Variants in LRRC1 observed in about 807,000 individuals in gnomAD.
The protein encoded by LRRC1 is leucine-rich repeat-containing protein 1.
Under a neutral mutation model 69.9 loss-of-function variants are expected in LRRC1, and 28 were observed. The observed-to-expected ratio is 0.40, with a 90% confidence interval of 0.30 to 0.55. The LOEUF (loss-of-function observed/expected upper bound fraction) is 0.55. Ranked by LOEUF, LRRC1 falls within the 20% of genes least tolerant of loss-of-function variation. LRRC1 has a pLI of 0.47. For missense variants in LRRC1, 498 were observed against 609.0 expected, an observed-to-expected ratio of 0.82 and a Z score of 1.92; for synonymous variants, 236 against 240.2, an observed-to-expected ratio of 0.98 and a Z score of 0.16.
rs761134442 is a variant in LRRC1 at position 53,795,329 on chromosome 6, G to T, written c.73G>T (p.Val25Phe). ...ESIDKRHCSL[V>F]YVPEEIYRYA... ...CATCGACAAGCGCCACTGCTCGCTG[G>T]TCTACGTCCCCGAGGAGATCTACCG... Residue 25 changes from valine (V) to phenylalanine (F), a missense_variant, in exon 1 of 14, where the codon GTC (valine) becomes TTC (phenylalanine). Coordinates refer to ENST00000370888, the MANE Select transcript of LRRC1 (RefSeq NM_018214.5). 1.9e-6 allele frequency: 3 copies of T among 1,613,722 alleles called. No homozygotes were observed. The highest frequency in any genetic ancestry group is 2.5e-6 in the Non-Finnish European group (3 of 1,179,952).
chr6:53,798,283 C>T (rs1052394656), intron 1 of LRRC1, among the ~76,000 whole-genome samples: 10 of 152,360 alleles, frequency 6.6e-5, no homozygotes, highest in Admixed American at 2.0e-4. Context: ...CCCCCATACC[C>T]GCAGTTTGAT....
At chr6:53,896,342 G>A (rs1001163521) in intron 4 of LRRC1, among the ~76,000 whole-genome samples, 156 bp from the exon 5 acceptor site, 1 of 152,178 alleles carries the variant, frequency 6.6e-6, no homozygotes, top group Non-Finnish European at 1.5e-5. Context: ...TTTAATGGGT[G>A]TGGGGGGTGG....
intron 4 of LRRC1, among the ~76,000 whole-genome samples, chr6:53,884,685 C>G (rs984709540): frequency 6.6e-6 from 1 of 151,994 alleles, no homozygotes; most frequent in Non-Finnish European, 1.5e-5. Flanking sequence ...CCTCTGATTC[C>G]TACCCCTCTC....
chr6:53,898,886 C>T (rs982487818), intron 7 of LRRC1, among the ~76,000 whole-genome samples: 3 of 152,072 alleles, frequency 2.0e-5, no homozygotes. Flanking sequence ...ATCAGGGAGC[C>T]ACAAGATGTT....
intron 1 of LRRC1, among the ~76,000 whole-genome samples, chr6:53,834,390 A>G (rs1765550423): frequency 6.6e-6 from 1 of 152,162 alleles, no homozygotes; most frequent in African/African-American, 2.4e-5. Flanking sequence ...ATCTGACAGC[A>G]TTGGTAATTT....
Position 53,919,613 on chromosome 6 carries a change from GAGA to G in LRRC1, c.1226_1228del (p.Lys409del), listed in dbSNP as rs1423343399. The G allele has an allele frequency of 3.7e-6, 6 of 1,613,902 alleles. No homozygotes were observed. Among genetic ancestry groups the G allele is most frequent in the Non-Finnish European group, 4.2e-6 (5 of 1,179,940 alleles). ...GACAGACACAGACTACACCACAGGA[GAGA>G]AGATTTTAACCTGTGTCTTACTTCC... On this transcript the variant is annotated inframe_deletion, in exon 12 of 14. Transcript: ENST00000370888.
intron 4 of LRRC1, among the ~76,000 whole-genome samples, chr6:53,887,050 A>G (rs768307457): frequency 3.9e-5 from 6 of 152,152 alleles, no homozygotes; most frequent in Admixed American, 1.3e-4. Context: ...TGCTTCCAAC[A>G]TCACATCATA....
At chr6:53,832,695 A>G (rs1253457643) in intron 1 of LRRC1, among the ~76,000 whole-genome samples, 1 of 152,190 alleles carries the variant, frequency 6.6e-6, no homozygotes, top group Non-Finnish European at 1.5e-5. Context: ...AGGAAAAACA[A>G]CCCTTTCTAG....
chr6:53,919,756 T>C (rs948367008), intron 12 of LRRC1, 86 bp downstream of exon 12: 9 of 1,237,922 alleles, frequency 7.3e-6, no homozygotes, highest in Non-Finnish European at 1.0e-5. Flanking sequence ...TACTCCCTCA[T>C]GTGATTGTGT....
chr6:53,891,999 A>ATAG (rs59126246), intron 4 of LRRC1, among the ~76,000 whole-genome samples: 1 of 133,682 alleles, frequency 7.5e-6, no homozygotes, highest in Non-Finnish European at 1.6e-5. Flanking sequence ...CTAAAAAAAA[A>ATAG]ATATATATAT....
chr6:53,851,203 C>CGT, intron 2 of LRRC1, among the ~76,000 whole-genome samples: 1 of 117,746 alleles, frequency 8.5e-6, no homozygotes, highest in Non-Finnish European at 1.8e-5. Flanking sequence ...CACACACACA[C>CGT]ACGTGAATAT....
intron 10 of LRRC1, among the ~76,000 whole-genome samples, chr6:53,912,976 C>G (rs1768459337): frequency 6.6e-6 from 1 of 152,130 alleles, no homozygotes; most frequent in Admixed American, 6.5e-5. Flanking sequence ...TTTTTCTGCC[C>G]TCTTGATTCA....
chr6:53,854,443 A>G (rs1223189213), intron 2 of LRRC1, among the ~76,000 whole-genome samples: 1 of 152,216 alleles, frequency 6.6e-6, no homozygotes, highest in Non-Finnish European at 1.5e-5. Flanking sequence ...AACTGTGTGA[A>G]TCCTTCTCAT....
intron 10 of LRRC1, among the ~76,000 whole-genome samples, chr6:53,909,939 A>G (rs1034018478): frequency 6.6e-6 from 1 of 152,204 alleles, no homozygotes; most frequent in African/African-American, 2.4e-5. Context: ...AAAATGGAAG[A>G]TAAACAGACG....
At chr6:53,871,629 T>C (rs1275416869) in intron 2 of LRRC1, among the ~76,000 whole-genome samples, 2 of 152,178 alleles carry the variant, frequency 1.3e-5, no homozygotes, top group African/African-American at 4.8e-5. Context: ...GTGAAGAAGC[T>C]TTTAAGTTTG....
At chr6:53,875,645 C>T (rs2127428816) in intron 2 of LRRC1, among the ~76,000 whole-genome samples, 1 of 152,158 alleles carries the variant, frequency 6.6e-6, no homozygotes, top group Middle Eastern at 3.4e-3. Flanking sequence ...ACTGATACCA[C>T]CACATGAAAA....
chr6:53,828,416 C>A (rs530705446), intron 1 of LRRC1, among the ~76,000 whole-genome samples: 1 of 152,200 alleles, frequency 6.6e-6, no homozygotes, highest in Non-Finnish European at 1.5e-5. Context: ...GCTGGCCTAG[C>A]CAGGCTTGTC....
At chr6:53,889,220 G>T (rs1253560649) in intron 4 of LRRC1, among the ~76,000 whole-genome samples, 1 of 152,214 alleles carries the variant, frequency 6.6e-6, no homozygotes, top group Admixed American at 6.5e-5. Context: ...TGTTGTTCAG[G>T]ATGTAGAGAA....
At chr6:53,854,341 C>T (rs926400535) in intron 2 of LRRC1, among the ~76,000 whole-genome samples, 8 of 152,130 alleles carry the variant, frequency 5.3e-5, no homozygotes, top group South Asian at 2.1e-4. Flanking sequence ...TTATTAGGAT[C>T]ATTTATTTTC....
Sources: allele counts gnomAD v4.1 joint callset (sites outside exome capture counted in the v4.1 genomes callset), GRCh38; gene constraint gnomAD v4.1.1; transcripts MANE v1.5; gene names NCBI Gene and HGNC (gene_info 2026-07-23, HGNC 2026-07-21).